The following GAS7 variants were observed in gnomAD, a reference collection of about 807,000 sequenced individuals.
GAS7 encodes growth arrest-specific protein 7.
In GAS7, 28 loss-of-function variants were observed where a neutral mutation model predicts 71.1. The ratio of observed to expected loss-of-function variants is 0.39; its 90% CI spans 0.29 to 0.54. GAS7 has a LOEUF of 0.54. Among genes scored for constraint, GAS7 ranks in the 20% least tolerant of loss-of-function variants. The probability of loss-of-function intolerance (pLI) is 0.62; values close to 1 mark genes in which losing one functional copy is unlikely to be tolerated. For synonymous variants in GAS7, 258 were observed against 245.8 expected (o/e 1.05, Z -0.46); for missense variants, 436 against 627.8 (o/e 0.69, Z 3.27).
At position 10,017,127 on chromosome 17, in the gene GAS7, T is replaced by C. The variant is rs887350340; in HGVS notation, c.304+2650A>G. Reference sequence around the variant, plus strand: ...GCCTGGGCAACAGAGTGAGACCCTGTCTAAAAAAATAAATAAATAAATAAA... The same window carrying C: ...GCCTGGGCAACAGAGTGAGACCCTGCCTAAAAAAATAAATAAATAAATAAA... On this transcript the variant is annotated intron_variant, in intron 2 of 13. Transcript: ENST00000432992. Among the ~76,000 whole-genome samples the C allele has an allele frequency of 3.0e-5, 4 of 133,924 alleles. No individual in the cohort carries two copies. The East Asian group carries it at 6.5e-4, about 22-fold the overall frequency. The allele number at this position is 133,924 out of a possible 152,430, so 87.9% of individuals were successfully genotyped here.
intron 7 of GAS7, among the ~76,000 whole-genome samples, chr17:9,940,457 T>C (rs1287131556): frequency 6.6e-6 from 1 of 152,220 alleles, no homozygotes; most frequent in East Asian, 1.9e-4. Context: ...CCTAGAGCTG[T>C]GAAGACGAGA....
rs1236205257 is a variant in GAS7, at chr17:10,020,454, C to T, written c.184-557G>A. Among the ~76,000 whole-genome samples, 9 of 152,288 alleles carry T rather than the reference C, an allele frequency of 5.9e-5. No individual in the cohort carries two copies. In the South Asian group the frequency reaches 8.3e-4, roughly 14 times the overall value. ...GTCCAGATCACTCTGGCAAAAAGAACGAGGACTCGGAGACAGAGCAGACGC... is the reference window on the plus strand; with the variant it reads ...GTCCAGATCACTCTGGCAAAAAGAATGAGGACTCGGAGACAGAGCAGACGC... On this transcript the variant is annotated intron_variant, in intron 1 of 13. Transcript: ENST00000432992.
intron 2 of GAS7, among the ~76,000 whole-genome samples, chr17:10,001,848 T>A (rs1473289479): frequency 1.3e-5 from 2 of 152,202 alleles, no homozygotes; most frequent in Non-Finnish European, 2.9e-5. Flanking sequence ...CCATCTCTCT[T>A]GGAACTGCCA....
chr17:10,167,028 T>G (rs1178673671), intron 1 of GAS7, among the ~76,000 whole-genome samples: 1 of 143,646 alleles, frequency 7.0e-6, no homozygotes. Flanking sequence ...TAAACCAATC[T>G]ACTATTTCCA....
chr17:9,947,833 CAAA>C (rs10618544), intron 5 of GAS7, among the ~76,000 whole-genome samples: 31,950 of 95,708 alleles, frequency 0.33, 4,883 homozygotes, highest in African/African-American at 0.52. Flanking sequence ...AGGTTAAAAA[CAAA>C]AAAAAAAAAA....
At chr17:10,005,461 A>C (rs1166106602) in intron 2 of GAS7, among the ~76,000 whole-genome samples, 1 of 151,598 alleles carries the variant, frequency 6.6e-6, no homozygotes, top group African/African-American at 2.4e-5. Flanking sequence ...CACCCACAGA[A>C]CTAAACACGG....
intron 1 of GAS7, among the ~76,000 whole-genome samples, chr17:10,105,067 T>G (rs2073744041): frequency 6.6e-6 from 1 of 152,256 alleles, no homozygotes; most frequent in Non-Finnish European, 1.5e-5. Context: ...CCAGCCACCC[T>G]GACCTTCTAG....
intron 1 of GAS7, among the ~76,000 whole-genome samples, chr17:10,083,431 A>C (rs2073479356): frequency 6.6e-6 from 1 of 152,088 alleles, no homozygotes; most frequent in African/African-American, 2.4e-5. Flanking sequence ...GTGATGCAGG[A>C]TTTTTCTCGG....
chr17:10,039,979 G>A (rs755205446), intron 1 of GAS7, among the ~76,000 whole-genome samples: 2 of 152,088 alleles, frequency 1.3e-5, no homozygotes, highest in African/African-American at 4.8e-5. Context: ...AGTTACTGAC[G>A]TGGCTGCTGG....
intron 1 of GAS7, among the ~76,000 whole-genome samples, chr17:10,140,159 A>G (rs1029673204): frequency 1.3e-5 from 2 of 152,128 alleles, no homozygotes; most frequent in Non-Finnish European, 2.9e-5. Flanking sequence ...ATTCTGTAAA[A>G]ACTCTCTTTT....
At chr17:10,197,239 CAA>C (rs971293714) in intron 1 of GAS7, among the ~76,000 whole-genome samples, 1 of 152,090 alleles carries the variant, frequency 6.6e-6, no homozygotes, top group Admixed American at 6.6e-5. Flanking sequence ...TGAAGTAGGT[CAA>C]GAGTTAAATA....
intron 2 of GAS7, among the ~76,000 whole-genome samples, chr17:10,012,569 G>C (rs1004853683): frequency 5.3e-5 from 8 of 152,178 alleles, no homozygotes; most frequent in Admixed American, 1.3e-4. Flanking sequence ...TTACAGGTGA[G>C]AGCCACCACA....
At chr17:9,931,300 T>G (rs902576826) in intron 9 of GAS7, among the ~76,000 whole-genome samples, 1 of 152,208 alleles carries the variant, frequency 6.6e-6, no homozygotes, top group African/African-American at 2.4e-5. Context: ...CACACAGCCA[T>G]CCACACCACT....
At chr17:10,095,812 A>AT (rs1484845536) in intron 1 of GAS7, among the ~76,000 whole-genome samples, 2 of 151,758 alleles carry the variant, frequency 1.3e-5, no homozygotes, top group African/African-American at 2.4e-5. Context: ...AAAAAAAAAA[A>AT]AAAAAATAAG....
intron 2 of GAS7, among the ~76,000 whole-genome samples, chr17:10,006,546 G>T (rs2071540575): frequency 6.6e-6 from 1 of 151,840 alleles, no homozygotes; most frequent in African/African-American, 2.4e-5. Context: ...AGCCGGCATG[G>T]TCTCGATCTC....
At chr17:10,056,737 C>T (rs2073142918) in intron 1 of GAS7, among the ~76,000 whole-genome samples, 2 of 151,980 alleles carry the variant, frequency 1.3e-5, no homozygotes, top group South Asian at 2.1e-4. Flanking sequence ...CCCTCTCCCT[C>T]TCCCGTCTCC....
intron 1 of GAS7, among the ~76,000 whole-genome samples, chr17:10,021,935 C>T (rs887180672): frequency 3.3e-5 from 5 of 152,010 alleles, no homozygotes; most frequent in African/African-American, 9.7e-5. Context: ...GAAATAAAGT[C>T]GGCATGGGTG....
chr17:10,005,049 A>G (rs566940086), intron 2 of GAS7, among the ~76,000 whole-genome samples: 1 of 145,150 alleles, frequency 6.9e-6, no homozygotes, highest in African/African-American at 2.8e-5. Flanking sequence ...ATACATATAT[A>G]TACACATATA....
intron 1 of GAS7, among the ~76,000 whole-genome samples, chr17:10,066,267 G>A (rs1409669738): frequency 1.3e-5 from 2 of 152,112 alleles, no homozygotes; most frequent in African/African-American, 2.4e-5. Context: ...CACAACCTCC[G>A]CCTCCCGGGT....
Sources: allele counts gnomAD v4.1 joint callset (sites outside exome capture counted in the v4.1 genomes callset), GRCh38; gene constraint gnomAD v4.1.1; transcripts MANE v1.5; gene names NCBI Gene and HGNC (gene_info 2026-07-23, HGNC 2026-07-21).